Variants in BLM observed in about 807,000 individuals in gnomAD.
The protein encoded by BLM is BLM RecQ like helicase.
In BLM, 95 loss-of-function variants were observed where a neutral mutation model predicts 135.3. The observed-to-expected ratio is 0.70, with a 90% CI of 0.59 to 0.83. The LOEUF (loss-of-function observed/expected upper bound fraction) is 0.83, where lower values mean the gene tolerates loss of function less well. BLM is among the 40% of genes least tolerant of loss of function. The pLI, the probability that BLM is intolerant of heterozygous loss-of-function variation, is 0.00. For synonymous variants in BLM, 520 were observed against 589.2 expected, an observed-to-expected ratio of 0.88 and a Z score of 1.70; for missense variants, 1,518 against 1,663.9, an observed-to-expected ratio of 0.91 and a Z score of 1.53.
intron 1 of BLM, among the ~76,000 whole-genome samples, chr15:90,723,135 C>T (rs1207750751): frequency 2.0e-5 from 3 of 152,240 alleles, no homozygotes; most frequent in South Asian, 4.1e-4. Context: ...AGCCACCGCT[C>T]CTGGCCCTAT....
rs1478047477 is a variant in BLM, at chr15:90,815,544, C to T, written c.*265C>T. The T allele has an allele frequency of 4.2e-6, 2 of 478,920 alleles. No homozygotes were observed. Among genetic ancestry groups the T allele is most frequent in the Non-Finnish European group, 7.4e-6 (2 of 269,702 alleles). 29.7% of individuals were successfully genotyped at this position (478,920 alleles called of 1,614,324 possible). A position where few individuals can be genotyped will look rare whatever the true frequency, so the allele number is the denominator to read the frequency against. On this transcript the variant is annotated 3_prime_UTR_variant, in exon 22 of 22. Transcript: ENST00000355112. The surrounding 1 kb of genome is among the most constrained non-coding windows in gnomAD (Gnocchi z 4.6). ...CAGCTGAATCATCTCAGTGCAAGAGCTTCTGAGCATAACACGAAACCCAGA... is the reference window on the plus strand; with the variant it reads ...CAGCTGAATCATCTCAGTGCAAGAGTTTCTGAGCATAACACGAAACCCAGA...
At chr15:90,753,034 A>G (rs993312771) in intron 4 of BLM, among the ~76,000 whole-genome samples, 15 of 152,204 alleles carry the variant, frequency 9.9e-5, no homozygotes, top group African/African-American at 3.4e-4. Flanking sequence ...GTGTTACGCA[A>G]ATAATATAAT....
At chr15:90,756,479 C>G (rs115215161) in intron 5 of BLM, among the ~76,000 whole-genome samples, 44 of 152,334 alleles carry the variant, frequency 2.9e-4, no homozygotes, top group African/African-American at 1.1e-3. Flanking sequence ...TAGTTACACA[C>G]CGTCATAGAA....
intron 17 of BLM, 117 bp downstream of exon 17, chr15:90,798,454 G>C: frequency 9.4e-7 from 1 of 1,063,104 alleles, no homozygotes; most frequent in Non-Finnish European, 1.4e-6. Flanking sequence ...TTGAGTTTCT[G>C]AATAAAACTT....
Position 90,798,257 on chromosome 15 carries a change from C to A in BLM, c.3278C>A (p.Ser1093Ter). 2 of 1,611,490 alleles carry A rather than the reference C, an allele frequency of 1.2e-6. No individual in the cohort carries two copies. Among genetic ancestry groups the A allele is most frequent in the South Asian group, 2.2e-5 (2 of 90,890 alleles). The change falls in exon 17 of 22, where the codon TCA becomes TAA. Residue 1093 changes from serine to a stop codon, truncating the protein, a stop_gained. Coordinates refer to ENST00000355112, the MANE Select transcript of BLM (RefSeq NM_000057.4). LOFTEE classifies it high-confidence loss of function. ...GTAAGATTTGTTCAAGAACATAGTTCATCACAAGGAATGAGAAATATAAAA... is the reference window on the plus strand; with the variant it reads ...GTAAGATTTGTTCAAGAACATAGTTAATCACAAGGAATGAGAAATATAAAA... ...SIVRFVQEHS[S>*]SQGMRNIKHV...
At chr15:90,735,072 C>T (rs887954928) in intron 1 of BLM, among the ~76,000 whole-genome samples, 5 of 151,172 alleles carry the variant, frequency 3.3e-5, no homozygotes, top group African/African-American at 1.2e-4. Flanking sequence ...GGGTAAAATC[C>T]CATTTACAGC....
intron 4 of BLM, 117 bp from the exon 5 acceptor site, chr15:90,754,694 C>T (rs1174878919): frequency 3.0e-5 from 35 of 1,175,110 alleles, no homozygotes; most frequent in Non-Finnish European, 3.9e-5. Flanking sequence ...AAAACTACTT[C>T]TCTTTTCTGT....
chr15:90,814,105 C>T (rs1208996168), intron 21 of BLM, among the ~76,000 whole-genome samples: 1 of 152,312 alleles, frequency 6.6e-6, no homozygotes, highest in South Asian at 2.1e-4. Flanking sequence ...AGATCTCTGC[C>T]AGTTCTGCAG....
intron 7 of BLM, among the ~76,000 whole-genome samples, chr15:90,762,189 C>A (rs912546502): frequency 9.9e-5 from 15 of 152,160 alleles, no homozygotes; most frequent in African/African-American, 2.7e-4. Context: ...TCCGTGAGTA[C>A]CTCTTGTTCT....
intron 19 of BLM, chr15:90,808,810 C>A: frequency 4.7e-6 from 2 of 428,610 alleles, no homozygotes; most frequent in Non-Finnish European, 8.7e-6. Context: ...TAGATGAGTA[C>A]TGGCCATGGG....
intron 12 of BLM, among the ~76,000 whole-genome samples, chr15:90,772,241 GCCACAGC>G (rs1238067092): frequency 6.6e-6 from 1 of 152,152 alleles, no homozygotes; most frequent in African/African-American, 2.4e-5. Context: ...TAAGGTTGAA[GCCACAGC>G]CCCTGTGCTG....
At chr15:90,779,916 T>C (rs1896575273) in intron 12 of BLM, among the ~76,000 whole-genome samples, 2 of 152,316 alleles carry the variant, frequency 1.3e-5, no homozygotes, top group East Asian at 3.9e-4. Flanking sequence ...ACACTCATAC[T>C]ATTTTTCAGT....
intron 18 of BLM, 30 bp from the exon 19 acceptor site, chr15:90,804,137 A>T: frequency 6.3e-7 from 1 of 1,593,342 alleles, no homozygotes; most frequent in Non-Finnish European, 8.6e-7. Context: ...ACATATACCC[A>T]CTCCTATGAT....
intron 1 of BLM, among the ~76,000 whole-genome samples, chr15:90,738,804 C>G (rs757460617): frequency 6.6e-6 from 1 of 152,076 alleles, no homozygotes. Flanking sequence ...AAACAACAAC[C>G]AGAAAATAAC....
chr15:90,727,203 G>A (rs1894941570), intron 1 of BLM, among the ~76,000 whole-genome samples: 1 of 151,540 alleles, frequency 6.6e-6, no homozygotes, highest in Admixed American at 6.6e-5. Context: ...TTGTAGAGAC[G>A]GAGTCTTGCT....
chr15:90,815,074 T>G lies in BLM; in HGVS notation c.4077-28T>G. The G allele has an allele frequency of 2.5e-6, 4 of 1,612,322 alleles. No individual in the cohort carries two copies. Among genetic ancestry groups the G allele is most frequent in the Non-Finnish European group, 3.4e-6 (4 of 1,179,646 alleles). On this transcript the variant is annotated intron_variant, in intron 21 of 21. Transcript: ENST00000355112. The surrounding 1 kb of genome is among the most constrained non-coding windows in gnomAD (Gnocchi z 4.6). Reference sequence around the variant, plus strand: ...ATTCATTTTTGGTTTCATTTAACATTTTGATTTTTTTCTTTGTCACATTTC... The same window carrying G: ...ATTCATTTTTGGTTTCATTTAACATGTTGATTTTTTTCTTTGTCACATTTC...
At chr15:90,735,581 G>C (rs1895192759) in intron 1 of BLM, among the ~76,000 whole-genome samples, 1 of 16,714 alleles carries the variant, frequency 6.0e-5, no homozygotes, top group African/African-American at 2.6e-4. Flanking sequence ...TATTAGGGCA[G>C]AGATGGACTC....
chr15:90,785,428 C>G (rs569098841), intron 14 of BLM, among the ~76,000 whole-genome samples: 1 of 152,140 alleles, frequency 6.6e-6, no homozygotes, highest in Non-Finnish European at 1.5e-5. Flanking sequence ...TCCCCCACCC[C>G]CTAATGCCTG....
At chr15:90,783,145 ACTCC>A (rs1455615505) in intron 13 of BLM, among the ~76,000 whole-genome samples, 1 of 151,996 alleles carries the variant, frequency 6.6e-6, no homozygotes, top group Non-Finnish European at 1.5e-5. Context: ...TATATTAAAT[ACTCC>A]CTCCTACACA....
Sources: gnomAD v4.1 joint callset for allele counts (sites outside exome capture counted in the v4.1 genomes callset) on GRCh38, gnomAD v4.1.1 for gene constraint, Gnocchi (gnomAD v3.1) non-coding constraint, MANE v1.5 for transcripts, NCBI Gene and HGNC (gene_info 2026-07-23, HGNC 2026-07-21) for gene names.